The following INO80 variants were observed in gnomAD, a reference collection of about 807,000 sequenced individuals.
INO80 encodes INO80 complex ATPase subunit.
A neutral mutation model predicts 203.4 loss-of-function variants in INO80; 20 were observed. The ratio of observed to expected loss-of-function variants is 0.10; its 90% CI spans 0.07 to 0.14. The LOEUF is 0.14. Among genes scored for constraint, INO80 ranks in the 10% least tolerant of loss-of-function variants. The pLI, the probability that INO80 is intolerant of heterozygous loss-of-function variation, is 1.00. For synonymous variants in INO80, 726 were observed against 685.2 expected (o/e 1.06, Z -0.93); for missense variants, 1,419 against 1,914.4 (o/e 0.74, Z 4.83).
At chr15:41,113,774 T>C (rs941178736) in intron 1 of INO80, among the ~76,000 whole-genome samples, 4 of 152,344 alleles carry the variant, frequency 2.6e-5, no homozygotes, top group Non-Finnish European at 5.9e-5. Context: ...TCTCGATTTG[T>C]TGCTTTGGCT....
chr15:41,042,976 A>G (rs1258914371), intron 24 of INO80, among the ~76,000 whole-genome samples: 2 of 152,226 alleles, frequency 1.3e-5, no homozygotes, highest in Admixed American at 6.5e-5. Flanking sequence ...CTACAAGAGC[A>G]AATTAAAATG....
Position 41,096,322 on chromosome 15 carries a change from G to T in INO80, c.-12C>A. ...AACTCCGAGGCCATAGAACAAATCTGTCTTCATGCACAAGGACCTCCGACT... is the reference window on the plus strand; with the variant it reads ...AACTCCGAGGCCATAGAACAAATCTTTCTTCATGCACAAGGACCTCCGACT... On this transcript the variant is annotated 5_prime_UTR_variant, in exon 2 of 36. Transcript: ENST00000648947. 1 of 1,569,580 alleles carries T rather than the reference G, an allele frequency of 6.4e-7. No homozygotes were observed. The highest frequency in any genetic ancestry group is 8.6e-7 in the Non-Finnish European group (1 of 1,165,418).
chr15:41,087,133 A>G (rs76111421), intron 6 of INO80, among the ~76,000 whole-genome samples: 4 of 140,564 alleles, frequency 2.8e-5, no homozygotes, highest in African/African-American at 5.0e-5. Context: ...AATATTCAGG[A>G]AAAAAAAAAA....
At chr15:41,088,970 T>C (rs2140648359) in intron 5 of INO80, among the ~76,000 whole-genome samples, 1 of 151,854 alleles carries the variant, frequency 6.6e-6, no homozygotes, top group African/African-American at 2.4e-5. Context: ...GGGCAAATTA[T>C]TTGAGGTCAG....
At chr15:41,075,868 T>C (rs1468670675) in intron 9 of INO80, among the ~76,000 whole-genome samples, 6 of 152,030 alleles carry the variant, frequency 3.9e-5, no homozygotes, top group African/African-American at 4.8e-5. Context: ...GCTGGGATTA[T>C]AGGTGTGAGC....
intron 11 of INO80, among the ~76,000 whole-genome samples, chr15:41,072,589 C>T (rs576394372): frequency 4.2e-5 from 6 of 143,996 alleles, no homozygotes; most frequent in South Asian, 4.4e-4. Flanking sequence ...TGTGGTGGTG[C>T]GCACCTGTAG....
chr15:41,064,377 T>C (rs1462357170), intron 14 of INO80, among the ~76,000 whole-genome samples: 3 of 152,162 alleles, frequency 2.0e-5, no homozygotes, highest in Admixed American at 1.3e-4. Context: ...AATTATGAAT[T>C]ACACTTTTTA....
intron 1 of INO80, among the ~76,000 whole-genome samples, chr15:41,110,404 A>G (rs1002364114): frequency 6.6e-6 from 1 of 151,602 alleles, no homozygotes; most frequent in Non-Finnish European, 1.5e-5. Context: ...CAGCCTCCCA[A>G]AGTGCTGGGA....
intron 31 of INO80, 24 bp from the exon 32 acceptor site, chr15:40,985,450 CTGA>C (rs1191248450): frequency 7.2e-6 from 11 of 1,535,874 alleles, no homozygotes; most frequent in Non-Finnish European, 9.9e-6. Flanking sequence ...GAATTAAGAC[CTGA>C]TGAAGTACCT....
intron 28 of INO80, chr15:41,004,837 C>G (rs929734552): frequency 2.0e-5 from 3 of 152,148 alleles, no homozygotes; most frequent in Non-Finnish European, 4.4e-5. Context: ...ATAAAAGGTA[C>G]TTTTTCTTAT....
chr15:41,056,364 T>C lies in INO80; in HGVS notation c.2070+258A>G, dbSNP rs188423945. Among the ~76,000 whole-genome samples the C allele has an allele frequency of 2.2e-3, 336 of 152,374 alleles. 1 individual carries two copies. Among genetic ancestry groups the C allele is most frequent in the Non-Finnish European group, 3.1e-3 (209 of 68,034 alleles). The stretch of plus-strand genomic sequence containing the variant: ...CTCTAGCAAAAACACGTCTCTGCAT[T>C]AAATGTTTACATTTTCTAATGTGGT... On this transcript the variant is annotated intron_variant, in intron 17 of 35. Transcript: ENST00000648947.
At chr15:41,068,694 T>G (rs567895444) in intron 14 of INO80, among the ~76,000 whole-genome samples, 8 of 150,864 alleles carry the variant, frequency 5.3e-5, no homozygotes, top group Non-Finnish European at 1.2e-4. Flanking sequence ...CCTCTCTCTA[T>G]TAAAAATACA....
intron 14 of INO80, among the ~76,000 whole-genome samples, chr15:41,064,264 A>T (rs1172616769): frequency 6.6e-6 from 1 of 152,232 alleles, no homozygotes; most frequent in Non-Finnish European, 1.5e-5. Flanking sequence ...GGGTTCAACA[A>T]ATTTCAAAGT....
At chr15:41,036,162 A>AT (rs2044570921) in intron 24 of INO80, among the ~76,000 whole-genome samples, 2 of 138,496 alleles carry the variant, frequency 1.4e-5, no homozygotes, top group African/African-American at 6.1e-5. Flanking sequence ...TCTCGAAAAA[A>AT]AAAAAAAAAA....
In INO80 at chr15:41,047,473, G is replaced by A. The variant is rs550534129; in HGVS notation, c.2670C>T (p.Phe890=). The change falls in exon 23 of 36, where the codon TTC becomes TTT. Residue 890 remains phenylalanine (F), a synonymous_variant. Coordinates refer to ENST00000648947, the MANE Select transcript of INO80 (RefSeq NM_017553.3). Reference sequence around the variant, plus strand: ...CTGGAGATATATCAATAAAGCGAAGGAAAGAGAAACAGCTTTCTTCATTAA... The same window carrying A: ...CTGGAGATATATCAATAAAGCGAAGAAAAGAGAAACAGCTTTCTTCATTAA... ...KGINEESCFS[F]LRFIDISPAE... is the part of the protein sequence containing the mutation. 1.9e-5 allele frequency: 31 copies of A among 1,611,936 alleles called. No homozygotes were observed. In the East Asian group the frequency reaches 6.7e-4, roughly 35 times the overall value.
intron 16 of INO80, among the ~76,000 whole-genome samples, chr15:41,056,928 G>GA (rs975035447): frequency 3.1e-4 from 47 of 152,204 alleles, no homozygotes; most frequent in African/African-American, 1.1e-3. Context: ...TTTGGATTTA[G>GA]AAAAAAATAG....
Position 41,042,266 on chromosome 15 carries a change from A to G in INO80, c.2907+2638T>C, listed in dbSNP as rs190796842. 2.7e-3 allele frequency among the ~76,000 whole-genome samples: 409 copies of G among 151,706 alleles called. 3 individuals are homozygous for G. Among genetic ancestry groups the G allele is most frequent in the South Asian group, 0.013 (62 of 4,784 alleles). On this transcript the variant is annotated intron_variant, in intron 24 of 35. Coordinates refer to ENST00000648947, the MANE Select transcript of INO80 (RefSeq NM_017553.3). ...TAACCTCAAGGGATCCGCCCACCTC[A>G]TCCTCCCCAAGTGCTGGGATTACAA... is the stretch of plus-strand genomic sequence containing the variant.
intron 29 of INO80, among the ~76,000 whole-genome samples, chr15:40,988,290 G>A (rs552185467): frequency 1.5e-4 from 23 of 152,182 alleles, no homozygotes; most frequent in African/African-American, 5.5e-4. Flanking sequence ...TGTTCTAAGT[G>A]CATTAACTCA....
chr15:41,087,652 G>A lies in INO80; in HGVS notation c.568C>T (p.Leu190=), dbSNP rs2045581606. The A allele has an allele frequency of 6.2e-7, 1 of 1,613,776 alleles. No individual in the cohort carries two copies. The highest frequency in any genetic ancestry group is 8.5e-7 in the Non-Finnish European group (1 of 1,179,966). The change falls in exon 6 of 36, where the codon CTG becomes TTG. Residue 190 remains leucine, a synonymous_variant. Transcript: ENST00000648947. ...LQQYQYYSAG[L]LSTYDPFYEQ... ...TAGAAAGGGTCATATGTGGAGAGCA[G>A]GCCTGCACTGTAGTACTGATATTGC...
Sources: gnomAD v4.1 joint callset for allele counts (sites outside exome capture counted in the v4.1 genomes callset) on GRCh38, gnomAD v4.1.1 for gene constraint, MANE v1.5 for transcripts, NCBI Gene and HGNC (gene_info 2026-07-23, HGNC 2026-07-21) for gene names.